The following GPC6 variants were observed in gnomAD, a reference collection of about 807,000 sequenced individuals.
The protein encoded by GPC6 is glypican-6.
A neutral mutation model predicts 55.2 loss-of-function variants in GPC6; 14 were observed. That is an observed-to-expected ratio of 0.25 (90% CI 0.17 to 0.40). The LOEUF (loss-of-function observed/expected upper bound fraction) is 0.40. GPC6 is among the 10% of genes least tolerant of loss of function. GPC6 has a pLI of 1.00. For missense variants in GPC6, 641 were observed against 708.5 expected (o/e 0.90, Z 1.08); for synonymous variants, 278 against 259.6 (o/e 1.07, Z -0.68).
intron 2 of GPC6, among the ~76,000 whole-genome samples, chr13:93,636,151 T>G (rs1003124880): frequency 2.0e-5 from 3 of 152,174 alleles, no homozygotes; most frequent in African/African-American, 7.2e-5. Context: ...TTGTTTTACT[T>G]TAATAAATGC....
chr13:93,427,589 T>G (rs1308016843), intron 1 of GPC6, among the ~76,000 whole-genome samples: 3 of 152,204 alleles, frequency 2.0e-5, no homozygotes, highest in African/African-American at 7.2e-5. Flanking sequence ...CAATGTGATG[T>G]TTCACTTGCT....
intron 6 of GPC6, among the ~76,000 whole-genome samples, chr13:94,365,882 C>G (rs1879265961): frequency 6.6e-6 from 1 of 152,198 alleles, no homozygotes. Flanking sequence ...ATCTATTTCT[C>G]AGCTTCGGTG....
At chr13:94,297,770 C>T (rs1875422585) in intron 5 of GPC6, among the ~76,000 whole-genome samples, 1 of 152,142 alleles carries the variant, frequency 6.6e-6, no homozygotes, top group African/African-American at 2.4e-5. Context: ...AAACTGATGG[C>T]TTGCCTTGGT....
At chr13:94,300,620 G>C (rs59967624) in intron 5 of GPC6, among the ~76,000 whole-genome samples, 46,819 of 152,104 alleles carry the variant, frequency 0.31, 8,962 homozygotes, top group Non-Finnish European at 0.42. Context: ...TTGCAAGTCA[G>C]CTAGGTGGAA....
chr13:93,489,689 C>T (rs1247963294), intron 1 of GPC6, among the ~76,000 whole-genome samples: 1 of 151,574 alleles, frequency 6.6e-6, no homozygotes, highest in East Asian at 2.2e-4. Context: ...TCCTTCACGT[C>T]CCTTGTAAGT....
intron 2 of GPC6, among the ~76,000 whole-genome samples, chr13:93,592,268 T>C (rs983292385): frequency 6.6e-6 from 1 of 151,436 alleles, no homozygotes; most frequent in Non-Finnish European, 1.5e-5. Flanking sequence ...CACTGAAACC[T>C]CTGCCTCCTG....
chr13:93,652,455 A>G (rs1880457902), intron 2 of GPC6, among the ~76,000 whole-genome samples: 1 of 152,178 alleles, frequency 6.6e-6, no homozygotes, highest in Non-Finnish European at 1.5e-5. Context: ...ATTCCACCAA[A>G]TTCAGCCAGT....
intron 4 of GPC6, among the ~76,000 whole-genome samples, chr13:94,161,216 T>C (rs920466034): frequency 9.9e-5 from 15 of 152,178 alleles, no homozygotes; most frequent in African/African-American, 3.6e-4. Context: ...TTTCAAATCA[T>C]GATTCAAAGA....
intron 1 of GPC6, among the ~76,000 whole-genome samples, chr13:93,404,271 G>A (rs1017452560): frequency 2.0e-5 from 3 of 152,110 alleles, no homozygotes; most frequent in African/African-American, 4.8e-5. Context: ...AGGAGGGTTT[G>A]AGAGGAAAAA....
rs559164193 is a variant in GPC6 at position 93,308,244 on chromosome 13, T to C, written c.160+80628T>C. On this transcript the variant is annotated intron_variant, in intron 1 of 8. Coordinates refer to ENST00000377047, the MANE Select transcript of GPC6 (RefSeq NM_005708.5). Reference sequence around the variant, plus strand: ...AGCTTGCAGTGAGCCGAGATTGCGCTACTGCACTCCAGCCTGGGTGACAGA... The same window carrying C: ...AGCTTGCAGTGAGCCGAGATTGCGCCACTGCACTCCAGCCTGGGTGACAGA... Among the ~76,000 whole-genome samples, 29 of 152,102 alleles carry C rather than the reference T, an allele frequency of 1.9e-4. No homozygotes were observed. In the South Asian group the frequency reaches 4.4e-3, roughly 23 times the overall value.
At chr13:93,963,242 G>T (rs908301146) in intron 3 of GPC6, among the ~76,000 whole-genome samples, 4 of 151,914 alleles carry the variant, frequency 2.6e-5, no homozygotes, top group African/African-American at 9.7e-5. Context: ...GGTTTTCATG[G>T]TCTTGATGAG....
At chr13:93,259,187 G>A (rs910399760) in intron 1 of GPC6, among the ~76,000 whole-genome samples, 4 of 152,016 alleles carry the variant, frequency 2.6e-5, no homozygotes, top group African/African-American at 9.7e-5. Flanking sequence ...CATAATATGT[G>A]CTCATGAACC....
chr13:93,494,996 T>C (rs1040566012), intron 1 of GPC6, among the ~76,000 whole-genome samples: 1 of 135,568 alleles, frequency 7.4e-6, no homozygotes, highest in Non-Finnish European at 1.6e-5. Context: ...CTGACAATTA[T>C]GTGTCTTGGA....
chr13:93,397,902 A>C (rs1306720475), intron 1 of GPC6, among the ~76,000 whole-genome samples: 2 of 152,158 alleles, frequency 1.3e-5, no homozygotes, highest in Admixed American at 1.3e-4. Context: ...CTTAGCACAA[A>C]CTGGCAGCAT....
At chr13:93,707,750 G>A (rs990969087) in intron 2 of GPC6, among the ~76,000 whole-genome samples, 1 of 151,780 alleles carries the variant, frequency 6.6e-6, no homozygotes, top group Non-Finnish European at 1.5e-5. Flanking sequence ...CGATATGTAA[G>A]AGTAACACAT....
chr13:93,530,838 C>A (rs1213588301), intron 1 of GPC6, among the ~76,000 whole-genome samples: 1 of 152,082 alleles, frequency 6.6e-6, no homozygotes, highest in Non-Finnish European at 1.5e-5. Flanking sequence ...CTCCCCACTT[C>A]AACATTCATG....
intron 3 of GPC6, among the ~76,000 whole-genome samples, chr13:93,874,702 A>G (rs1307559579): frequency 6.6e-6 from 1 of 151,236 alleles, no homozygotes; most frequent in Non-Finnish European, 1.5e-5. Context: ...TGGACACACT[A>G]AACTTGCTCC....
At chr13:94,101,116 T>C (rs1426119710) in intron 4 of GPC6, among the ~76,000 whole-genome samples, 3 of 152,248 alleles carry the variant, frequency 2.0e-5, no homozygotes, top group Non-Finnish European at 4.4e-5. Context: ...TCTCTTTCTT[T>C]CTGCCCATGC....
At chr13:93,562,687 A>G (rs1359681541) in intron 2 of GPC6, among the ~76,000 whole-genome samples, 2 of 152,166 alleles carry the variant, frequency 1.3e-5, no homozygotes, top group African/African-American at 2.4e-5. Context: ...AAGAAAATTA[A>G]TTTTCTTGCC....
Sources: gnomAD v4.1 joint callset for allele counts (sites outside exome capture counted in the v4.1 genomes callset) on GRCh38, gnomAD v4.1.1 for gene constraint, MANE v1.5 for transcripts, NCBI Gene and HGNC (gene_info 2026-07-23, HGNC 2026-07-21) for gene names.